RILPL1: variants seen among roughly 807,000 people sequenced by gnomAD.
RILPL1 encodes Rab interacting lysosomal protein like 1.
Under a neutral mutation model 50.3 loss-of-function variants are expected in RILPL1, and 33 were observed. The ratio of observed to expected loss-of-function variants is 0.66; its 90% CI spans 0.50 to 0.88. The LOEUF (loss-of-function observed/expected upper bound fraction) is 0.88, where lower values mean the gene tolerates loss of function less well. Among genes scored for constraint, RILPL1 ranks in the 40% least tolerant of loss-of-function variants. The probability of loss-of-function intolerance (pLI) is 0.00; values close to 1 mark genes in which losing one functional copy is unlikely to be tolerated. For synonymous variants in RILPL1, 205 were observed against 228.6 expected (o/e 0.90, Z 0.93); for missense variants, 418 against 542.5 (o/e 0.77, Z 2.28).
chr12:123,499,061 G>A (rs1566125520), intron 3 of RILPL1, among the ~76,000 whole-genome samples: 1 of 152,206 alleles, frequency 6.6e-6, no homozygotes, highest in Admixed American at 6.5e-5. Context: ...TTTACACAGA[G>A]ACACTGTATG....
chr12:123,472,802 G>A, intron 6 of RILPL1, 120 bp from the exon 7 acceptor site: 2 of 1,102,268 alleles, frequency 1.8e-6, no homozygotes, highest in Non-Finnish European at 2.6e-6. Context: ...AATTCAAGGT[G>A]TGAAAGACAA....
At chr12:123,477,337 C>CTTTTTTTTT (rs371346379) in intron 6 of RILPL1, among the ~76,000 whole-genome samples, 13 of 105,372 alleles carry the variant, frequency 1.2e-4, no homozygotes, top group African/African-American at 2.3e-4. Flanking sequence ...TTCTTTCTTT[C>CTTTTTTTTT]TTTTTTTTTT....
intron 4 of RILPL1, among the ~76,000 whole-genome samples, chr12:123,488,270 G>A (rs559698521): frequency 7.9e-5 from 12 of 151,768 alleles, no homozygotes; most frequent in African/African-American, 2.9e-4. Context: ...AAGACCTCAT[G>A]TCTACAAAAA....
chr12:123,500,898 A>G (rs1480475461), intron 2 of RILPL1, among the ~76,000 whole-genome samples: 1 of 150,202 alleles, frequency 6.7e-6, no homozygotes, highest in Non-Finnish European at 1.5e-5. Flanking sequence ...TGAGGTCAGG[A>G]GTTTGAGACC....
At position 123,489,581 on chromosome 12, in the gene RILPL1, T is replaced by A. The variant is rs1292649850; in HGVS notation, c.802-3776A>T. Among the ~76,000 whole-genome samples, 2 of 152,014 alleles carry A rather than the reference T, an allele frequency of 1.3e-5. No individual in the cohort carries two copies. Among genetic ancestry groups the A allele is most frequent in the Non-Finnish European group, 2.9e-5 (2 of 68,008 alleles). ...CGGGAGGCTGAGGCAGGAGAATTGC[T>A]TGAACCCAGGAGATGGAGGTTACAG... On this transcript the variant is annotated intron_variant, in intron 4 of 6. Transcript: ENST00000376874. This position sits in a 1 kb window ranked among gnomAD's most constrained non-coding sequence, Gnocchi z 4.0.
intron 2 of RILPL1, among the ~76,000 whole-genome samples, chr12:123,511,582 G>A (rs1156888334): frequency 7.7e-6 from 1 of 129,656 alleles, no homozygotes; most frequent in African/African-American, 3.0e-5. Flanking sequence ...AGGTCTGTGG[G>A]TGGTGTGAGG....
intron 4 of RILPL1, among the ~76,000 whole-genome samples, chr12:123,495,220 G>T (rs767171764): frequency 1.2e-4 from 18 of 152,086 alleles, no homozygotes; most frequent in Non-Finnish European, 1.2e-4. Context: ...GAGCCTGGCT[G>T]AGAATGACAA....
chr12:123,500,380 C>A (rs998966315), intron 2 of RILPL1, among the ~76,000 whole-genome samples: 1 of 148,640 alleles, frequency 6.7e-6, no homozygotes, highest in African/African-American at 2.5e-5. Context: ...GCCTCCTAGG[C>A]TCAAGTGATC....
At chr12:123,505,039 GTTTT>G (rs540778890) in intron 2 of RILPL1, among the ~76,000 whole-genome samples, 1 of 112,466 alleles carries the variant, frequency 8.9e-6, no homozygotes, top group Non-Finnish European at 1.8e-5. Context: ...AAGTTTTTTT[GTTTT>G]TTTTTTTATT....
In RILPL1 at chr12:123,480,860, T is replaced by C. The variant is rs553228020; in HGVS notation, c.1067+3320A>G. ...TTGCTTGGGGACCCATCCCTTCCCC[T>C]ACTTTCAGGCCACTTGAACTGGATG... On this transcript the variant is annotated intron_variant, in intron 6 of 6. Transcript: ENST00000376874. 2.7e-3 allele frequency among the ~76,000 whole-genome samples: 410 copies of C among 152,312 alleles called. 3 individuals are homozygous for C. Among genetic ancestry groups the C allele is most frequent in the South Asian group, 0.013 (62 of 4,832 alleles).
chr12:123,483,901 T>A (rs962332523), intron 6 of RILPL1, among the ~76,000 whole-genome samples: 3 of 152,136 alleles, frequency 2.0e-5, no homozygotes, highest in East Asian at 1.9e-4. Context: ...CCCACCCCCA[T>A]GAAACACACT....
chr12:123,496,111 C>G (rs1883018390), intron 4 of RILPL1, among the ~76,000 whole-genome samples: 1 of 151,980 alleles, frequency 6.6e-6, no homozygotes, highest in Non-Finnish European at 1.5e-5. Flanking sequence ...GTCCCGGGTT[C>G]AAGCAATTCT....
At chr12:123,506,360 G>T (rs1883751826) in intron 2 of RILPL1, among the ~76,000 whole-genome samples, 1 of 152,196 alleles carries the variant, frequency 6.6e-6, no homozygotes, top group African/African-American at 2.4e-5. Flanking sequence ...TTAAGGCATG[G>T]GTCAGGGGTT....
chr12:123,494,537 C>T (rs1031736120), intron 4 of RILPL1, among the ~76,000 whole-genome samples: 5 of 152,156 alleles, frequency 3.3e-5, no homozygotes, highest in African/African-American at 7.2e-5. Context: ...CTGGGAGTCT[C>T]GATGTTCTTG....
intron 1 of RILPL1, among the ~76,000 whole-genome samples, chr12:123,525,373 T>C (rs1282511952): frequency 1.4e-5 from 2 of 140,034 alleles, no homozygotes; most frequent in Admixed American, 1.6e-4. Flanking sequence ...GACGCCACCA[T>C]GACTGGCTAA....
chr12:123,488,275 CA>C (rs1320073008), intron 4 of RILPL1, among the ~76,000 whole-genome samples: 4 of 151,350 alleles, frequency 2.6e-5, no homozygotes, highest in Admixed American at 2.0e-4. Flanking sequence ...CTCATGTCTA[CA>C]AAAAAGAAAA....
At chr12:123,516,305 C>G (rs1884692668) in intron 2 of RILPL1, among the ~76,000 whole-genome samples, 1 of 152,242 alleles carries the variant, frequency 6.6e-6, no homozygotes, top group Admixed American at 6.5e-5. Flanking sequence ...CTCAGGCATC[C>G]TGGCTGGCAG....
chr12:123,507,442 G>A (rs1256325726), intron 2 of RILPL1, among the ~76,000 whole-genome samples: 1 of 151,972 alleles, frequency 6.6e-6, no homozygotes. Flanking sequence ...GCACACACCT[G>A]TAGTCCCAGC....
Position 123,533,498 on chromosome 12 carries a change from C to T in RILPL1, c.-16G>A, listed in dbSNP as rs1171257737. On this transcript the variant is annotated 5_prime_UTR_variant, in exon 1 of 7. Coordinates refer to ENST00000376874, the MANE Select transcript of RILPL1 (RefSeq NM_178314.5). This position sits in a 1 kb window ranked among gnomAD's most constrained non-coding sequence, Gnocchi z 6.2. ...CCTCCTCCATGGCCACCCTCCTGGCCTGTCCCCCGCCCCGCAAACTCGTGC... is the reference window on the plus strand; with the variant it reads ...CCTCCTCCATGGCCACCCTCCTGGCTTGTCCCCCGCCCCGCAAACTCGTGC... The T allele has an allele frequency of 6.7e-6, 10 of 1,493,812 alleles. No homozygotes were observed. Among genetic ancestry groups the T allele is most frequent in the Non-Finnish European group, 9.0e-6 (10 of 1,116,816 alleles). 92.5% of individuals were successfully genotyped at this position (1,493,812 alleles called of 1,614,324 possible).
Sources: gnomAD v4.1 joint callset for allele counts (sites outside exome capture counted in the v4.1 genomes callset) on GRCh38, gnomAD v4.1.1 for gene constraint, Gnocchi (gnomAD v3.1) non-coding constraint, MANE v1.5 for transcripts, NCBI Gene and HGNC (gene_info 2026-07-23, HGNC 2026-07-21) for gene names.